NUP133: variants seen among roughly 807,000 people sequenced by gnomAD.
The protein encoded by NUP133 is nuclear pore complex protein Nup133.
A neutral mutation model predicts 146.2 loss-of-function variants in NUP133; 66 were observed. That is an observed-to-expected ratio of 0.45 (90% CI 0.37 to 0.55). NUP133 has a LOEUF of 0.55. NUP133 is among the 20% of genes least tolerant of loss of function. The probability of loss-of-function intolerance (pLI) is 0.00; values close to 1 mark genes in which losing one functional copy is unlikely to be tolerated. For missense variants in NUP133, 1,277 were observed against 1,374.8 expected (o/e 0.93, Z 1.12); for synonymous variants, 521 against 498.8 (o/e 1.04, Z -0.59).
chr1:229,483,000 C>T (rs190778790), intron 12 of NUP133, among the ~76,000 whole-genome samples: 1 of 152,302 alleles, frequency 6.6e-6, no homozygotes, highest in Non-Finnish European at 1.5e-5. Flanking sequence ...CGAGTCCAGC[C>T]CCAACAGTCA....
At chr1:229,483,577 C>T (rs573977099) in intron 12 of NUP133, among the ~76,000 whole-genome samples, 51 of 151,878 alleles carry the variant, frequency 3.4e-4, no homozygotes, top group Non-Finnish European at 6.5e-4. Context: ...TAGTGGTACA[C>T]GCCTGCAGTC....
At chr1:229,452,764 C>T in intron 21 of NUP133, 121 bp from the exon 22 acceptor site, 3 of 620,374 alleles carry the variant, frequency 4.8e-6, no homozygotes, top group Non-Finnish European at 8.3e-6. Context: ...AGAGGTAAAC[C>T]TATCTTTATT....
chr1:229,498,430 CGTT>C (rs1399186057), intron 5 of NUP133, 124 bp from the exon 6 acceptor site: 3 of 609,726 alleles, frequency 4.9e-6, no homozygotes, highest in South Asian at 6.0e-5. Context: ...CAAAATAGAA[CGTT>C]GTTATTTTAT....
intron 12 of NUP133, 83 bp from the exon 13 acceptor site, chr1:229,477,843 C>T: frequency 2.0e-6 from 2 of 1,009,076 alleles, no homozygotes; most frequent in East Asian, 5.3e-5. Flanking sequence ...TTATGGACTA[C>T]TATTCAGCCA....
chr1:229,442,056 C>A lies in NUP133; in HGVS notation c.3335-16G>T. 1.3e-6 allele frequency: 2 copies of A among 1,543,816 alleles called. No individual in the cohort carries two copies. Among genetic ancestry groups the A allele is most frequent in the South Asian group, 2.6e-5 (2 of 77,314 alleles). The stretch of plus-strand genomic sequence containing the variant: ...AGCTGAATGCCTATAAACACAAACA[C>A]AAGAAGTCATTTTTCAATTATTATA... On this transcript the variant is annotated splice_polypyrimidine_tract_variant and intron_variant, in intron 25 of 25. Coordinates refer to ENST00000261396, the MANE Select transcript of NUP133 (RefSeq NM_018230.3).
At chr1:229,489,090 G>A (rs1168542328) in intron 9 of NUP133, among the ~76,000 whole-genome samples, 6 of 152,132 alleles carry the variant, frequency 3.9e-5, no homozygotes, top group Non-Finnish European at 7.3e-5. Context: ...TTTTTCTATA[G>A]TATACAAGGC....
At chr1:229,447,875 A>G (rs1403147504) in intron 24 of NUP133, among the ~76,000 whole-genome samples, 1 of 152,184 alleles carries the variant, frequency 6.6e-6, no homozygotes, top group African/African-American at 2.4e-5. Flanking sequence ...TCTTAGTCAC[A>G]GGATGAGACA....
intron 24 of NUP133, among the ~76,000 whole-genome samples, chr1:229,446,893 G>T (rs931840129): frequency 9.9e-5 from 15 of 152,210 alleles, no homozygotes; most frequent in African/African-American, 3.6e-4. Flanking sequence ...TTGGGAGGCC[G>T]AGGCAGGCAG....
At chr1:229,468,365 T>G (rs1660872269) in intron 15 of NUP133, among the ~76,000 whole-genome samples, 1 of 152,216 alleles carries the variant, frequency 6.6e-6, no homozygotes, top group Non-Finnish European at 1.5e-5. Flanking sequence ...ATAGCTATTG[T>G]ATTCTCTTTT....
chr1:229,450,518 T>A lies in NUP133; in HGVS notation c.3180+7A>T, dbSNP rs373240080. On this transcript the variant is annotated splice_region_variant and intron_variant, in intron 23 of 25. Transcript: ENST00000261396. ...TGCCTGAGATCATCTCAAGCAATTT[T>A]ACTTACCTCATCAATATATTCCAAC... 1.4e-5 allele frequency: 21 copies of A among 1,507,660 alleles called. No individual in the cohort carries two copies. The allele number at this position is 1,507,660 out of a possible 1,614,324, so 93.4% of individuals were successfully genotyped here. A position where few individuals can be genotyped will look rare whatever the true frequency, so the allele number is the denominator to read the frequency against.
chr1:229,458,638 G>C (rs1454107000), intron 20 of NUP133, among the ~76,000 whole-genome samples: 1 of 151,770 alleles, frequency 6.6e-6, no homozygotes, highest in African/African-American at 2.4e-5. Context: ...ATTGCAAAAA[G>C]GCCAATGACT....
At chr1:229,444,778 T>G (rs1571901888) in intron 25 of NUP133, 136 bp downstream of exon 25, 1 of 544,480 alleles carries the variant, frequency 1.8e-6, no homozygotes, top group Non-Finnish European at 3.3e-6. Flanking sequence ...ACCCGGGAGG[T>G]GGAGGCTGCA....
intron 1 of NUP133, among the ~76,000 whole-genome samples, chr1:229,506,892 C>G (rs944775783): frequency 6.6e-6 from 1 of 151,322 alleles, no homozygotes; most frequent in African/African-American, 2.4e-5. Flanking sequence ...CGAGCATCAG[C>G]TGTTACATGG....
chr1:229,491,812 T>C (rs971411180), intron 8 of NUP133, among the ~76,000 whole-genome samples: 4 of 152,098 alleles, frequency 2.6e-5, no homozygotes, highest in African/African-American at 7.2e-5. Flanking sequence ...GCATAGTGGC[T>C]TATGTGTTTA....
At chr1:229,476,939 AAC>A (rs1446347783) in intron 13 of NUP133, among the ~76,000 whole-genome samples, 20 of 149,588 alleles carry the variant, frequency 1.3e-4, no homozygotes, top group African/African-American at 4.6e-4. Context: ...AAAAAAAAAA[AAC>A]AAAAAAAAAA....
chr1:229,506,821 T>TAAA lies in NUP133; in HGVS notation c.183-666_183-664dup, dbSNP rs373882093. ...GACAGAGAGTGAGACCCTGTCTCTT[T>TAAA]AAAAAAAAAAAAAAAAAAACTATCA... On this transcript the variant is annotated intron_variant, in intron 1 of 25. Coordinates refer to ENST00000261396, the MANE Select transcript of NUP133 (RefSeq NM_018230.3). 6.8e-3 allele frequency among the ~76,000 whole-genome samples: 892 copies of TAAA among 131,194 alleles called. 13 individuals are homozygous for TAAA. The highest frequency in any genetic ancestry group is 0.023 in the African/African-American group (810 of 34,630). 86.1% of individuals were successfully genotyped at this position (131,194 alleles called of 152,430 possible).
At position 229,460,698 on chromosome 1, in the gene NUP133, A is replaced by G; in HGVS notation, c.2757T>C (p.Ile919=). The stretch of plus-strand genomic sequence containing the variant: ...AATTTGCCAACTGTCCATGCTGAGA[A>G]ATGGGCTGAGATAATAATTTGCCTC... ...GKRGKLLSQP[I]SQHGQLANFL... The change falls in exon 20 of 26, where the codon ATT becomes ATC. Residue 919 remains isoleucine, a synonymous_variant. Transcript: ENST00000261396. The G allele has an allele frequency of 6.2e-7, 1 of 1,614,112 alleles. No homozygotes were observed. The highest frequency in any genetic ancestry group is 8.5e-7 in the Non-Finnish European group (1 of 1,179,968).
At chr1:229,504,126 A>C (rs908951806) in intron 2 of NUP133, among the ~76,000 whole-genome samples, 1 of 152,162 alleles carries the variant, frequency 6.6e-6, no homozygotes, top group Non-Finnish European at 1.5e-5. Flanking sequence ...CTTCTTCTAA[A>C]ACAGAGTAAT....
At chr1:229,507,959 T>C (rs1661987977) in intron 1 of NUP133, 109 bp downstream of exon 1, 3 of 1,298,648 alleles carry the variant, frequency 2.3e-6, no homozygotes, top group Non-Finnish European at 3.0e-6. Context: ...TACTGTGGCA[T>C]TCTATTCCGC....
Sources: gnomAD v4.1 joint callset for allele counts (sites outside exome capture counted in the v4.1 genomes callset) on GRCh38, gnomAD v4.1.1 for gene constraint, MANE v1.5 for transcripts, NCBI Gene and HGNC (gene_info 2026-07-23, HGNC 2026-07-21) for gene names.